MTMR12: variants seen among roughly 807,000 people sequenced by gnomAD.
MTMR12 encodes myotubularin-related protein 12.
MTMR12 carries 33 observed loss-of-function variants against 96.7 expected under a neutral mutation model. The ratio of observed to expected loss-of-function variants is 0.34; its 90% CI spans 0.26 to 0.46. The LOEUF is 0.46. Ranked by LOEUF, MTMR12 falls within the 20% of genes least tolerant of loss-of-function variation. The pLI, the probability that MTMR12 is intolerant of heterozygous loss-of-function variation, is 1.00. For missense variants in MTMR12, 721 were observed against 896.1 expected, an observed-to-expected ratio of 0.80 and a Z score of 2.49; for synonymous variants, 298 against 327.2, an observed-to-expected ratio of 0.91 and a Z score of 0.96.
chr5:32,238,735 C>G (rs1421943458), intron 13 of MTMR12, among the ~76,000 whole-genome samples: 1 of 152,048 alleles, frequency 6.6e-6, no homozygotes, highest in South Asian at 2.1e-4. Context: ...ATATTATTCC[C>G]ACTGTGAAAT....
intron 13 of MTMR12, 82 bp from the exon 14 acceptor site, chr5:32,235,211 G>A: frequency 7.4e-7 from 1 of 1,344,388 alleles, no homozygotes; most frequent in Non-Finnish European, 1.0e-6. Flanking sequence ...CACCTCAACA[G>A]CTGTGGAATA....
chr5:32,254,680 T>C (rs1235554241), intron 8 of MTMR12, among the ~76,000 whole-genome samples: 1 of 151,918 alleles, frequency 6.6e-6, no homozygotes, highest in Non-Finnish European at 1.5e-5. Flanking sequence ...CCGTCTCTAC[T>C]AAAAACACAA....
chr5:32,277,988 CAG>C (rs1406833882), intron 1 of MTMR12, among the ~76,000 whole-genome samples: 3 of 152,206 alleles, frequency 2.0e-5, no homozygotes, highest in African/African-American at 4.8e-5. Context: ...TCATTTCTAA[CAG>C]AGAATCAAGG....
Position 32,271,861 on chromosome 5 carries a change from T to C in MTMR12, c.330A>G (p.Thr110=). 6.3e-7 allele frequency: 1 copy of C among 1,585,032 alleles called. No individual in the cohort carries two copies. The highest frequency in any genetic ancestry group is 1.1e-5 in the South Asian group (1 of 87,320). ...KNKVIGENDI[T]LHCVDQIYGV... is the part of the protein sequence containing the mutation. ...CATAAATCTGATCAACACAGTGGAG[T>C]GTAATGTCATTTTCTCCTATAACCT... The change falls in exon 4 of 16, where the codon ACA becomes ACG. Residue 110 remains threonine (T), a synonymous_variant. Coordinates refer to ENST00000382142, the MANE Select transcript of MTMR12 (RefSeq NM_001040446.3).
chr5:32,288,618 G>A (rs1157815949), intron 1 of MTMR12, among the ~76,000 whole-genome samples: 1 of 152,190 alleles, frequency 6.6e-6, no homozygotes, highest in East Asian at 1.9e-4. Context: ...TAAGGGTATA[G>A]GATAATGGTA....
intron 1 of MTMR12, among the ~76,000 whole-genome samples, chr5:32,282,286 G>C (rs867974968): frequency 6.6e-6 from 1 of 151,946 alleles, no homozygotes; most frequent in Non-Finnish European, 1.5e-5. Context: ...GCCAGGTGTG[G>C]TGGCGGGTGC....
chr5:32,229,947 G>T lies in MTMR12; in HGVS notation c.2075C>A (p.Ala692Asp), dbSNP rs1243458449. The change falls in exon 16 of 16, where the codon GCC (alanine) becomes GAC (aspartate). Residue 692 changes from alanine to aspartate, a missense_variant. Physicochemically the swap from Ala to Asp is moderately radical, Grantham distance 126. Transcript: ENST00000382142. Reference sequence around the variant, plus strand: ...GGCAGAGTTCCTCAGCAGGCAGGGGGCCTCAGCCTGGGGGGCCTGCTGGCT... The same window carrying T: ...GGCAGAGTTCCTCAGCAGGCAGGGGTCCTCAGCCTGGGGGGCCTGCTGGCT... ...HHSQQAPQAE[A>D]PCLLRNSARL... 25 of 1,612,274 alleles carry T rather than the reference G, an allele frequency of 1.6e-5. No homozygotes were observed. Among genetic ancestry groups the T allele is most frequent in the Non-Finnish European group, 2.0e-5 (23 of 1,178,966 alleles).
At chr5:32,307,312 T>C (rs1013403166) in intron 1 of MTMR12, among the ~76,000 whole-genome samples, 21 of 152,274 alleles carry the variant, frequency 1.4e-4, no homozygotes, top group African/African-American at 3.8e-4. Flanking sequence ...ACTATAACCA[T>C]ATCCCTCCCT....
intron 1 of MTMR12, among the ~76,000 whole-genome samples, chr5:32,304,083 G>A (rs981302082): frequency 1.3e-5 from 2 of 152,228 alleles, no homozygotes. Flanking sequence ...AGCACTTTGG[G>A]AGCCGAGGCG....
intron 15 of MTMR12, among the ~76,000 whole-genome samples, chr5:32,231,391 A>AG: frequency 6.6e-6 from 1 of 151,778 alleles, no homozygotes; most frequent in East Asian, 1.9e-4. Context: ...CAAAAAAAAA[A>AG]AAAAAAAAAG....
chr5:32,298,453 A>G (rs1335049972), intron 1 of MTMR12, among the ~76,000 whole-genome samples: 1 of 152,198 alleles, frequency 6.6e-6, no homozygotes, highest in African/African-American at 2.4e-5. Context: ...CCAAACCCCA[A>G]GTCCTCCTAG....
chr5:32,243,810 G>C (rs572038220), intron 10 of MTMR12, among the ~76,000 whole-genome samples: 4 of 152,254 alleles, frequency 2.6e-5, no homozygotes, highest in Admixed American at 2.6e-4. Context: ...GATTGTGGTG[G>C]TCAAAAAGAG....
rs115098514 is a variant in MTMR12 at position 32,273,256 on chromosome 5, C to T, written c.285+724G>A. Among the ~76,000 whole-genome samples the T allele has an allele frequency of 2.2e-3, 335 of 152,232 alleles. 3 individuals carry two copies. The highest frequency in any genetic ancestry group is 7.9e-3 in the African/African-American group (327 of 41,540). On this transcript the variant is annotated intron_variant, in intron 3 of 15. Transcript: ENST00000382142. The stretch of plus-strand genomic sequence containing the variant: ...CTCTACCAAAAATAACAAAATTAGC[C>T]AGGCGTGAATGTCACACGCCTATGG...
rs578004134 is a variant in MTMR12 at position 32,239,471 on chromosome 5, G to A, written c.1172-298C>T. ...TGCAAAGCTACTTTCAGCTTGTGGGGGTCTAGGTGTGCCACACAGAGACAG... is the reference window on the plus strand; with the variant it reads ...TGCAAAGCTACTTTCAGCTTGTGGGAGTCTAGGTGTGCCACACAGAGACAG... On this transcript the variant is annotated intron_variant, in intron 12 of 15. Transcript: ENST00000382142. Among the ~76,000 whole-genome samples, 54 of 152,312 alleles carry A rather than the reference G, an allele frequency of 3.5e-4. 1 individual carries two copies. In the South Asian group the frequency reaches 8.1e-3, roughly 23 times the overall value.
In MTMR12 at chr5:32,228,791, A is replaced by G. The variant is rs1051127077; in HGVS notation, c.*987T>C. 1 of 151,862 alleles carries G rather than the reference A, an allele frequency of 6.6e-6. No individual in the cohort carries two copies. Among genetic ancestry groups the G allele is most frequent in the Non-Finnish European group, 1.5e-5 (1 of 67,952 alleles). 9.4% of individuals were successfully genotyped at this position (151,862 alleles called of 1,614,324 possible). On this transcript the variant is annotated 3_prime_UTR_variant, in exon 16 of 16. Transcript: ENST00000382142. Reference sequence around the variant, plus strand: ...TGCTTTCCTATGAAAGCCACATTCAAAAGTGACCCAATCCCATCAGTCCAT... The same window carrying G: ...TGCTTTCCTATGAAAGCCACATTCAGAAGTGACCCAATCCCATCAGTCCAT...
At chr5:32,303,205 A>G (rs1385933550) in intron 1 of MTMR12, among the ~76,000 whole-genome samples, 1 of 152,236 alleles carries the variant, frequency 6.6e-6, no homozygotes, top group Non-Finnish European at 1.5e-5. Context: ...ATGTTCATAC[A>G]TGTCTATTAT....
At chr5:32,286,008 A>G (rs1430916146) in intron 1 of MTMR12, among the ~76,000 whole-genome samples, 1 of 152,204 alleles carries the variant, frequency 6.6e-6, no homozygotes, top group Admixed American at 6.5e-5. Flanking sequence ...TTCAACAAAT[A>G]GCTCCTGAAC....
intron 1 of MTMR12, among the ~76,000 whole-genome samples, chr5:32,296,967 A>G (rs1291306186): frequency 1.3e-5 from 2 of 150,920 alleles, no homozygotes. Context: ...GCTGGGCGTG[A>G]TGGCGGGCGC....
At chr5:32,265,497 C>T (rs1446076221) in intron 6 of MTMR12, among the ~76,000 whole-genome samples, 1 of 152,156 alleles carries the variant, frequency 6.6e-6, no homozygotes, top group Non-Finnish European at 1.5e-5. Flanking sequence ...TATGATTTTG[C>T]AAATGTGCAC....
Sources: allele counts gnomAD v4.1 joint callset (sites outside exome capture counted in the v4.1 genomes callset), GRCh38; gene constraint gnomAD v4.1.1; transcripts MANE v1.5; gene names NCBI Gene and HGNC (gene_info 2026-07-23, HGNC 2026-07-21).